Variants in BMS1 observed in about 807,000 individuals in gnomAD.
BMS1 encodes the protein ribosome biogenesis protein BMS1 homolog.
BMS1 carries 53 observed loss-of-function variants against 138.7 expected under a neutral mutation model. The observed-to-expected ratio is 0.38, with a 90% CI of 0.31 to 0.48. The LOEUF (loss-of-function observed/expected upper bound fraction) is 0.48, where lower values mean the gene tolerates loss of function less well. BMS1 is among the 20% of genes least tolerant of loss of function. The pLI is 0.97. For missense variants in BMS1, 1,360 were observed against 1,565.5 expected, an observed-to-expected ratio of 0.87 and a Z score of 2.22; for synonymous variants, 504 against 539.9, an observed-to-expected ratio of 0.93 and a Z score of 0.92.
chr10:42,786,825 G>A (rs912484748), intron 3 of BMS1, among the ~76,000 whole-genome samples: 1 of 152,102 alleles, frequency 6.6e-6, no homozygotes, highest in Non-Finnish European at 1.5e-5. Flanking sequence ...AGCTCTAGTG[G>A]GAATACGGGA....
intron 19 of BMS1, among the ~76,000 whole-genome samples, chr10:42,822,840 A>T (rs747695810): frequency 2.0e-5 from 3 of 152,244 alleles, no homozygotes; most frequent in Non-Finnish European, 4.4e-5. Flanking sequence ...TGCCTAGGCC[A>T]GTTCAGTCCA....
chr10:42,799,396 C>T (rs1841800389), intron 12 of BMS1, among the ~76,000 whole-genome samples: 1 of 152,198 alleles, frequency 6.6e-6, no homozygotes, highest in African/African-American at 2.4e-5. Flanking sequence ...AGTGAGCCAT[C>T]GCGCCAGCCC....
chr10:42,788,679 GC>G (rs1416126989), intron 4 of BMS1, among the ~76,000 whole-genome samples: 1 of 152,062 alleles, frequency 6.6e-6, no homozygotes, highest in African/African-American at 2.4e-5. Context: ...TGAGAGAGAT[GC>G]CCATTATGTA....
chr10:42,830,364 G>T lies in BMS1; in HGVS notation c.3560G>T (p.Gly1187Val). ...KNKPKTQAKAGKVPKDRRRPA... is the reference protein window; with the variant it reads ...KNKPKTQAKAVKVPKDRRRPA... ...AAGCCCAAGACCCAAGCAAAGGCAG[G>T]CAAGGTGCCAAAGGACAGGCGGAGA... Residue 1187 changes from glycine (G) to valine (V), a missense_variant, in exon 22 of 23, where the codon GGC (glycine) becomes GTC (valine). Transcript: ENST00000374518. 6.2e-7 allele frequency: 1 copy of T among 1,613,972 alleles called. No individual in the cohort carries two copies. The highest frequency in any genetic ancestry group is 8.5e-7 in the Non-Finnish European group (1 of 1,180,006).
intron 13 of BMS1, among the ~76,000 whole-genome samples, chr10:42,804,650 CCTTGT>C (rs897833124): frequency 6.6e-5 from 10 of 151,952 alleles, no homozygotes; most frequent in Admixed American, 5.2e-4. Flanking sequence ...CTAGCGTGTG[CCTTGT>C]CTTTTCTATT....
intron 4 of BMS1, 133 bp downstream of exon 4, chr10:42,787,380 A>C (rs142984592): frequency 4.1e-6 from 3 of 731,322 alleles, no homozygotes; most frequent in Admixed American, 4.3e-5. Flanking sequence ...GATACGGTAG[A>C]TATGATTGAA....
chr10:42,786,831 C>T (rs943911726), intron 3 of BMS1, among the ~76,000 whole-genome samples: 7 of 152,078 alleles, frequency 4.6e-5, no homozygotes, highest in African/African-American at 1.7e-4. Flanking sequence ...AGTGGGAATA[C>T]GGGAAGTTTT....
intron 13 of BMS1, among the ~76,000 whole-genome samples, chr10:42,810,696 A>T (rs558779527): frequency 1.3e-5 from 2 of 152,238 alleles, no homozygotes; most frequent in South Asian, 4.1e-4. Flanking sequence ...GACGATTCAG[A>T]TTATCTATTT....
chr10:42,807,185 C>A (rs1020519460), intron 13 of BMS1, among the ~76,000 whole-genome samples: 2 of 152,226 alleles, frequency 1.3e-5, no homozygotes, highest in Non-Finnish European at 1.5e-5. Flanking sequence ...AACACACCCA[C>A]GTCCCTGCTG....
intron 13 of BMS1, among the ~76,000 whole-genome samples, chr10:42,812,562 G>C (rs562214810): frequency 6.6e-6 from 1 of 152,204 alleles, no homozygotes; most frequent in African/African-American, 2.4e-5. Flanking sequence ...TGGTGAAGGA[G>C]GGGTCCCTGC....
chr10:42,797,050 A>C lies in BMS1; in HGVS notation c.1806A>C (p.Ala602=), dbSNP rs753031350. Reference sequence around the variant, plus strand: ...CTGAAGAAAGCTCCTCACTCAGTGCAGAGGAAGAAGACTCAGAAAATGAAG... The same window carrying C: ...CTGAAGAAAGCTCCTCACTCAGTGCCGAGGAAGAAGACTCAGAAAATGAAG... ...DESEESSSLS[A]EEEDSENEEA... is the part of the protein sequence containing the mutation. The change falls in exon 10 of 23, where the codon GCA becomes GCC. Residue 602 remains alanine (A), a synonymous_variant. Transcript: ENST00000374518. The C allele has an allele frequency of 6.8e-6, 11 of 1,614,220 alleles. No individual in the cohort carries two copies. The Admixed American group carries it at 1.2e-4, about 17-fold the overall frequency.
At chr10:42,788,957 C>G (rs1841421841) in intron 4 of BMS1, among the ~76,000 whole-genome samples, 1 of 152,176 alleles carries the variant, frequency 6.6e-6, no homozygotes, top group South Asian at 2.1e-4. Context: ...TACTGCAGCT[C>G]TGTCTCCTTT....
intron 5 of BMS1, 140 bp downstream of exon 5, chr10:42,790,651 T>G: frequency 1.0e-6 from 1 of 966,036 alleles, no homozygotes; most frequent in Non-Finnish European, 1.5e-6. Context: ...CCTAGAGTTT[T>G]GAGCTCAGGG....
Position 42,797,102 on chromosome 10 carries a change from C to T in BMS1, c.1858C>T (p.Pro620Ser). The T allele has an allele frequency of 6.2e-7, 1 of 1,614,204 alleles. No individual in the cohort carries two copies. Among genetic ancestry groups the T allele is most frequent in the Non-Finnish European group, 8.5e-7 (1 of 1,180,040 alleles). ...EEAIRKKLSK[P>S]SQVSSGQKLG... ...GGCTATTAGAAAAAAGCTTTCAAAG[C>T]CTTCTCAAGTGAGCAGTGGTCAGAA... The change falls in exon 10 of 23, where the codon CCT (proline) becomes TCT (serine). Residue 620 changes from proline to serine, a missense_variant. Around this residue, in one of 3 missense-constraint regions of BMS1, gnomAD observed 697 missense variants for 686.2 expected, o/e 1.02. Transcript: ENST00000374518.
At chr10:42,795,553 T>C (rs954469791) in intron 9 of BMS1, among the ~76,000 whole-genome samples, 1 of 151,612 alleles carries the variant, frequency 6.6e-6, no homozygotes, top group African/African-American at 2.4e-5. Flanking sequence ...ACTCCTGGGC[T>C]CAAGCAATCC....
Position 42,792,990 on chromosome 10 carries a change from T to C in BMS1, c.935T>C (p.Phe312Ser), listed in dbSNP as rs1323062118. 6.2e-7 allele frequency: 1 copy of C among 1,612,274 alleles called. No homozygotes were observed. Among genetic ancestry groups the C allele is most frequent in the Admixed American group, 1.7e-5 (1 of 59,568 alleles). The change falls in exon 8 of 23, where the codon TTC becomes TCC. Residue 312 changes from phenylalanine (F) to serine (S), a missense_variant. Physicochemically the swap from Phe to Ser is radical, Grantham distance 155. Coordinates refer to ENST00000374518, the MANE Select transcript of BMS1 (RefSeq NM_014753.4). ...VGDFAVSDIS[F>S]LPDPCALPEQ... ...GATTTTGCCGTGAGTGACATCAGTT[T>C]CCTCCCAGACCCTTGCGCTCTTCCT...
At chr10:42,810,202 T>G (rs1179826080) in intron 13 of BMS1, among the ~76,000 whole-genome samples, 1 of 102,858 alleles carries the variant, frequency 9.7e-6, no homozygotes, top group African/African-American at 3.6e-5. Flanking sequence ...ATGTGTGTGT[T>G]TTTTTGTTTT....
At chr10:42,797,556 T>C (rs1474993681) in intron 11 of BMS1, 33 bp downstream of exon 11, 2 of 1,588,884 alleles carry the variant, frequency 1.3e-6, no homozygotes, top group Admixed American at 3.3e-5. Context: ...TAGAAATGTT[T>C]TAGTTTCTCT....
intron 15 of BMS1, 54 bp from the exon 16 acceptor site, chr10:42,820,182 T>C: frequency 6.3e-7 from 1 of 1,585,830 alleles, no homozygotes. Context: ...ATGTTAATCT[T>C]ATGTTTATTA....
Sources: gnomAD v4.1 joint callset for allele counts (sites outside exome capture counted in the v4.1 genomes callset) on GRCh38, gnomAD v4.1.1 for gene constraint, gnomAD v4.1.1 regional missense constraint, MANE v1.5 for transcripts, NCBI Gene and HGNC (gene_info 2026-07-23, HGNC 2026-07-21) for gene names.